The following SLC24A3 variants were observed in gnomAD, a reference collection of about 807,000 sequenced individuals.
SLC24A3 encodes the protein sodium/potassium/calcium exchanger 3.
A neutral mutation model predicts 75.8 loss-of-function variants in SLC24A3; 28 were observed. The observed-to-expected ratio is 0.37, with a 90% CI of 0.27 to 0.51. The LOEUF (loss-of-function observed/expected upper bound fraction) is 0.51, where lower values mean the gene tolerates loss of function less well. Among genes scored for constraint, SLC24A3 ranks in the 20% least tolerant of loss-of-function variants. SLC24A3 has a pLI of 0.94. For missense variants in SLC24A3, 663 were observed against 847.8 expected (o/e 0.78, Z 2.71); for synonymous variants, 372 against 334.1 (o/e 1.11, Z -1.24).
chr20:19,275,439 T>A (rs1215287320), intron 1 of SLC24A3, among the ~76,000 whole-genome samples: 1 of 152,194 alleles, frequency 6.6e-6, no homozygotes, highest in Non-Finnish European at 1.5e-5. Flanking sequence ...AAACCTCTTA[T>A]CAGAGAGCAG....
At chr20:19,586,520 C>A (rs1005738633) in intron 6 of SLC24A3, among the ~76,000 whole-genome samples, 1 of 152,124 alleles carries the variant, frequency 6.6e-6, no homozygotes, top group East Asian at 1.9e-4. Flanking sequence ...AGCCCCGGGG[C>A]AGCCTTCCCC....
intron 2 of SLC24A3, among the ~76,000 whole-genome samples, chr20:19,288,250 A>T (rs1209601597): frequency 3.3e-5 from 5 of 152,232 alleles, no homozygotes; most frequent in African/African-American, 1.2e-4. Flanking sequence ...TTTCTGGCCT[A>T]AGAGTCCACT....
At chr20:19,575,427 C>T (rs1325774073) in intron 3 of SLC24A3, among the ~76,000 whole-genome samples, 1 of 151,986 alleles carries the variant, frequency 6.6e-6, no homozygotes, top group Non-Finnish European at 1.5e-5. Flanking sequence ...GAACATAAAG[C>T]AAAAGGGAGG....
At chr20:19,471,871 C>T (rs1987878633) in intron 2 of SLC24A3, among the ~76,000 whole-genome samples, 1 of 152,070 alleles carries the variant, frequency 6.6e-6, no homozygotes, top group African/African-American at 2.4e-5. Flanking sequence ...CAAACGGTTC[C>T]TTTAAAAAAG....
chr20:19,463,225 C>T (rs372053651), intron 2 of SLC24A3, among the ~76,000 whole-genome samples: 7 of 152,214 alleles, frequency 4.6e-5, no homozygotes, highest in African/African-American at 1.7e-4. Flanking sequence ...CTCCTGTTTT[C>T]TCTCTATCGT....
chr20:19,553,749 C>T (rs1449455185), intron 3 of SLC24A3, among the ~76,000 whole-genome samples: 2 of 152,134 alleles, frequency 1.3e-5, no homozygotes, highest in East Asian at 1.9e-4. Flanking sequence ...AGCAAGAGGG[C>T]ATGCATTGGA....
At chr20:19,514,364 G>T (rs2122557085) in intron 2 of SLC24A3, among the ~76,000 whole-genome samples, 1 of 152,302 alleles carries the variant, frequency 6.6e-6, no homozygotes, top group Admixed American at 6.5e-5. Flanking sequence ...TGCTTTTAGA[G>T]GAATCCAAAA....
At chr20:19,534,089 C>G (rs1349120141) in intron 3 of SLC24A3, among the ~76,000 whole-genome samples, 1 of 152,238 alleles carries the variant, frequency 6.6e-6, no homozygotes, top group African/African-American at 2.4e-5. Flanking sequence ...GTGATAATTA[C>G]AGAATCCCCA....
chr20:19,463,646 C>G (rs1040355718), intron 2 of SLC24A3, among the ~76,000 whole-genome samples: 6 of 96,872 alleles, frequency 6.2e-5, no homozygotes, highest in African/African-American at 2.6e-4. Flanking sequence ...GCAGAAAGTC[C>G]TTAACAGCCC....
At chr20:19,332,525 A>G (rs914581970) in intron 2 of SLC24A3, among the ~76,000 whole-genome samples, 6 of 152,156 alleles carry the variant, frequency 3.9e-5, no homozygotes. Context: ...TCTTTTTCCA[A>G]CATTACTTTG....
chr20:19,689,532 C>T (rs2032721567), intron 12 of SLC24A3, among the ~76,000 whole-genome samples: 1 of 152,104 alleles, frequency 6.6e-6, no homozygotes, highest in Non-Finnish European at 1.5e-5. Context: ...TTGCTGTACC[C>T]CCAGGACCTG....
intron 5 of SLC24A3, 33 bp from the exon 6 acceptor site, chr20:19,585,408 A>G (rs2031280505): frequency 1.2e-6 from 2 of 1,606,228 alleles, no homozygotes; most frequent in South Asian, 1.1e-5. Context: ...ACAGGGCCAC[A>G]ACAGCCAGGC....
chr20:19,409,847 GTA>G (rs548789154), intron 2 of SLC24A3, among the ~76,000 whole-genome samples: 2,856 of 145,754 alleles, frequency 0.02, 86 homozygotes, highest in African/African-American at 0.064. Context: ...GTGTGTGTGT[GTA>G]TATATATATA....
chr20:19,500,923 G>A (rs1988374906), intron 2 of SLC24A3, among the ~76,000 whole-genome samples: 1 of 152,220 alleles, frequency 6.6e-6, no homozygotes, highest in African/African-American at 2.4e-5. Context: ...TGAGGCCTCT[G>A]TGACATCATG....
chr20:19,226,473 A>C (rs1053889502), intron 1 of SLC24A3, among the ~76,000 whole-genome samples: 2 of 152,170 alleles, frequency 1.3e-5, no homozygotes, highest in African/African-American at 4.8e-5. Context: ...TCTGGAAGAA[A>C]CTATGTACAA....
chr20:19,523,826 CG>C (rs912823039), intron 3 of SLC24A3, among the ~76,000 whole-genome samples: 1 of 152,144 alleles, frequency 6.6e-6, no homozygotes, highest in Non-Finnish European at 1.5e-5. Context: ...ACTGAATAGA[CG>C]ATACCTTACT....
At chr20:19,586,887 C>A (rs2031304746) in intron 6 of SLC24A3, among the ~76,000 whole-genome samples, 1 of 152,188 alleles carries the variant, frequency 6.6e-6, no homozygotes, top group Admixed American at 6.5e-5. Context: ...TCCTCTCAGT[C>A]AATGAGCTCA....
intron 9 of SLC24A3, 135 bp from the exon 10 acceptor site, chr20:19,681,723 A>G: frequency 7.2e-7 from 1 of 1,398,218 alleles, no homozygotes; most frequent in Non-Finnish European, 9.9e-7. Flanking sequence ...GGTTGAGAAA[A>G]TTAGAACACT....
chr20:19,388,527 C>T (rs746385950), intron 2 of SLC24A3, among the ~76,000 whole-genome samples: 5 of 152,070 alleles, frequency 3.3e-5, no homozygotes, highest in Admixed American at 2.6e-4. Context: ...CTGGCTAACA[C>T]GGTGAAACCC....
Sources: gnomAD v4.1 joint callset for allele counts (sites outside exome capture counted in the v4.1 genomes callset) on GRCh38, gnomAD v4.1.1 for gene constraint, MANE v1.5 for transcripts, NCBI Gene and HGNC (gene_info 2026-07-23, HGNC 2026-07-21) for gene names.